Variants in PCDH7 observed in about 807,000 individuals in gnomAD.
PCDH7 encodes protocadherin 7, also known as protocadherin-7.
PCDH7 carries 17 observed loss-of-function variants against 58.9 expected under a neutral mutation model. The ratio of observed to expected loss-of-function variants is 0.29; its 90% CI spans 0.20 to 0.43. PCDH7 has a LOEUF of 0.43. PCDH7 is among the 20% of genes least tolerant of loss of function. PCDH7 has a pLI of 1.00. For missense variants in PCDH7, 1,274 were observed against 1,441.0 expected, an observed-to-expected ratio of 0.88 and a Z score of 1.88; for synonymous variants, 664 against 616.4, an observed-to-expected ratio of 1.08 and a Z score of -1.14.
chr4:30,960,848 T>A (rs1748342290), intron 3 of PCDH7, among the ~76,000 whole-genome samples: 1 of 152,166 alleles, frequency 6.6e-6, no homozygotes, highest in Admixed American at 6.5e-5. Context: ...CAAAAATAAA[T>A]CTACTGAGTT....
chr4:31,103,328 C>A (rs116550120), intron 3 of PCDH7, among the ~76,000 whole-genome samples: 1,990 of 151,854 alleles, frequency 0.013, 33 homozygotes, highest in African/African-American at 0.044. Flanking sequence ...TTCCCAATTT[C>A]TTTTCTTTTC....
Position 30,931,312 on chromosome 4 carries a change from G to T in PCDH7, c.287+10943G>T, listed in dbSNP as rs550954785. Among the ~76,000 whole-genome samples the T allele has an allele frequency of 1.8e-4, 27 of 152,154 alleles. 1 individual carries two copies. Among genetic ancestry groups the T allele is most frequent in the South Asian group, 1.7e-3 (8 of 4,818 alleles). ...ATGTACTGGTCGGGCATGGCGGCTC[G>T]CACCTGTAATCCCAGCACTTTGGGA... On this transcript the variant is annotated intron_variant, in intron 2 of 3. Transcript: ENST00000509759.
intron 3 of PCDH7, among the ~76,000 whole-genome samples, chr4:31,052,066 G>C (rs551237922): frequency 3.4e-4 from 52 of 151,976 alleles, no homozygotes; most frequent in Non-Finnish European, 6.2e-4. Context: ...AATAATAGAA[G>C]GCTAATATTG....
intron 3 of PCDH7, among the ~76,000 whole-genome samples, chr4:31,074,798 A>AAAAAAAAAAAAAAAAAAAAAAAAG (rs1758845476): frequency 6.6e-6 from 1 of 150,562 alleles, no homozygotes; most frequent in Non-Finnish European, 1.5e-5. Context: ...AAAAAAAAAA[A>AAAAAAAAAAAAAAAAAAAAAAAAG]AAAAAAAAAG....
In PCDH7 at chr4:30,720,518, T is replaced by G. The variant is rs1243216267; in HGVS notation, c.-905T>G. On this transcript the variant is annotated 5_prime_UTR_variant, in exon 1 of 2. Coordinates refer to ENST00000361762, the Ensembl canonical transcript of PCDH7. This position sits in a 1 kb window ranked among gnomAD's most constrained non-coding sequence, Gnocchi z 4.7. ...TTCGCCCCCGTGGGCGAAAGGCTGC[T>G]GCGGTTTCAGGCGGCTGCTTCGTGA... 2 of 152,692 alleles carry G rather than the reference T, an allele frequency of 1.3e-5. No homozygotes were observed. Among genetic ancestry groups the G allele is most frequent in the Non-Finnish European group, 2.9e-5 (2 of 68,064 alleles). The allele number at this position is 152,692 out of a possible 1,614,324, so 9.5% of individuals were successfully genotyped here.
At chr4:30,850,503 A>C (rs992247345) in intron 1 of PCDH7, among the ~76,000 whole-genome samples, 1 of 152,090 alleles carries the variant, frequency 6.6e-6, no homozygotes, top group African/African-American at 2.4e-5. Flanking sequence ...CCCTGAATCC[A>C]TTTAAAGTCT....
At chr4:30,803,593 A>G (rs1016166278) in intron 1 of PCDH7, among the ~76,000 whole-genome samples, 1 of 152,072 alleles carries the variant, frequency 6.6e-6, no homozygotes, top group African/African-American at 2.4e-5. Flanking sequence ...GCATATCCCT[A>G]TGCCCAAGTA....
intron 1 of PCDH7, among the ~76,000 whole-genome samples, chr4:30,789,457 T>G (rs1370692674): frequency 6.6e-6 from 1 of 151,996 alleles, no homozygotes; most frequent in Non-Finnish European, 1.5e-5. Flanking sequence ...AGGCAGAAAG[T>G]CTTGTGACTT....
chr4:30,890,559 CTTTG>C (rs1366413574), intron 1 of PCDH7, among the ~76,000 whole-genome samples: 8 of 151,546 alleles, frequency 5.3e-5, no homozygotes, highest in Admixed American at 2.6e-4. Context: ...ATATGATCAT[CTTTG>C]TTTATGTTCA....
chr4:31,028,657 C>CAA (rs5857218), intron 3 of PCDH7, among the ~76,000 whole-genome samples: 1 of 134,906 alleles, frequency 7.4e-6, no homozygotes, highest in Non-Finnish European at 1.7e-5. Flanking sequence ...GACCCTGCTT[C>CAA]AAAAAAAAAA....
exon 2 of PCDH7, chr4:30,731,460 T>A (rs948632321): frequency 6.6e-6 from 1 of 152,106 alleles, no homozygotes; most frequent in Non-Finnish European, 1.5e-5. Flanking sequence ...TAATGGGCAC[T>A]GTAATGGATT....
At chr4:31,013,665 TG>T (rs1753388757) in intron 3 of PCDH7, among the ~76,000 whole-genome samples, 1 of 151,810 alleles carries the variant, frequency 6.6e-6, no homozygotes, top group African/African-American at 2.4e-5. Context: ...CTATAATGAA[TG>T]TGCATAAAGA....
At position 30,723,426 on chromosome 4, in the gene PCDH7, G is replaced by A. The variant is rs963612515; in HGVS notation, c.2004G>A (p.Lys668=). 1 of 1,614,084 alleles carries A rather than the reference G, an allele frequency of 6.2e-7. No individual in the cohort carries two copies. Among genetic ancestry groups the A allele is most frequent in the Non-Finnish European group, 8.5e-7 (1 of 1,180,038 alleles). ...TGGTCACCGTGATGGATGCTGACAA[G>A]GGGCGGAATGCAGAGATGAGCCTGT... The change falls in exon 1 of 2, where the codon AAG becomes AAA. Residue 668 remains lysine (K), a synonymous_variant. Coordinates refer to ENST00000361762, the Ensembl canonical transcript of PCDH7. The surrounding 1 kb of genome is among the most constrained non-coding windows in gnomAD (Gnocchi z 4.6).
Position 30,721,567 on chromosome 4 carries a change from G to A in PCDH7, c.145G>A (p.Gly49Ser), listed in dbSNP as rs1713555078. Residue 49 changes from glycine (G) to serine (S), a missense_variant, in exon 1 of 2, where the codon GGC (glycine) becomes AGC (serine). By Grantham distance (56) the Gly-to-Ser change is moderately conservative. Coordinates refer to ENST00000361762, the Ensembl canonical transcript of PCDH7. This position sits in a 1 kb window ranked among gnomAD's most constrained non-coding sequence, Gnocchi z 6.7. ...GGAGGGCCCCGCCGACGTCCGCATC[G>A]GCAACGTGGCTTCAGACCTGGGCAT... 1 of 1,606,724 alleles carries A rather than the reference G, an allele frequency of 6.2e-7. No individual in the cohort carries two copies. Among genetic ancestry groups the A allele is most frequent in the Non-Finnish European group, 8.5e-7 (1 of 1,179,864 alleles).
chr4:30,922,534 A>G (rs1220764329), intron 2 of PCDH7, among the ~76,000 whole-genome samples: 1 of 152,132 alleles, frequency 6.6e-6, no homozygotes, highest in Non-Finnish European at 1.5e-5. Flanking sequence ...TATGACAAAC[A>G]CATATCGGTT....
chr4:30,989,339 C>T (rs77366717), intron 3 of PCDH7, among the ~76,000 whole-genome samples: 2,004 of 152,236 alleles, frequency 0.013, 46 homozygotes, highest in African/African-American at 0.044. Context: ...AATGGTATCT[C>T]TCCAAATATA....
At chr4:30,894,514 TATACACACACACACACACACAC>T (rs1302608543) in intron 1 of PCDH7, among the ~76,000 whole-genome samples, 1 of 48,038 alleles carries the variant, frequency 2.1e-5, no homozygotes, top group Admixed American at 3.0e-4. Context: ...TATATATATA[TATACACACACACACACACACAC>T]ACACACACAC....
intron 1 of PCDH7, among the ~76,000 whole-genome samples, chr4:30,776,603 C>T (rs1475504112): frequency 6.6e-6 from 1 of 152,122 alleles, no homozygotes; most frequent in Non-Finnish European, 1.5e-5. Context: ...CACTGAGGAA[C>T]ATTCCTTCCT....
intron 1 of PCDH7, among the ~76,000 whole-genome samples, chr4:30,783,373 T>C (rs540595084): frequency 6.6e-6 from 1 of 152,218 alleles, no homozygotes; most frequent in Non-Finnish European, 1.5e-5. Flanking sequence ...CTGCGTTTTA[T>C]GTCATACTTT....
Sources: allele counts gnomAD v4.1 joint callset (sites outside exome capture counted in the v4.1 genomes callset), GRCh38; gene constraint gnomAD v4.1.1; non-coding constraint Gnocchi (gnomAD v3.1); transcripts MANE v1.5; gene names NCBI Gene and HGNC (gene_info 2026-07-23, HGNC 2026-07-21).